The following CRHR1 variants were observed in gnomAD, a reference collection of about 807,000 sequenced individuals.
CRHR1 encodes the protein corticotropin releasing hormone receptor 1, also known as corticotropin-releasing hormone receptor 1.
In CRHR1, 28 loss-of-function variants were observed where a neutral mutation model predicts 56.0. The observed-to-expected ratio is 0.50, with a 90% CI of 0.37 to 0.69. The LOEUF (loss-of-function observed/expected upper bound fraction) is 0.69, where lower values mean the gene tolerates loss of function less well. Among genes scored for constraint, CRHR1 ranks in the 30% least tolerant of loss-of-function variants. The pLI, the probability that CRHR1 is intolerant of heterozygous loss-of-function variation, is 0.00. For synonymous variants in CRHR1, 195 were observed against 216.5 expected (o/e 0.90, Z 0.87); for missense variants, 376 against 548.0 (o/e 0.69, Z 3.13).
At chr17:45,791,294 G>T (rs1227276448) in intron 1 of CRHR1, among the ~76,000 whole-genome samples, 1 of 152,166 alleles carries the variant, frequency 6.6e-6, no homozygotes, top group African/African-American at 2.4e-5. Context: ...AGGGCTTTAG[G>T]AGAGTCCAGG....
At chr17:45,824,413 G>C (rs1035985516) in intron 4 of CRHR1, among the ~76,000 whole-genome samples, 5 of 152,184 alleles carry the variant, frequency 3.3e-5, no homozygotes, top group African/African-American at 1.2e-4. Context: ...GTCAGCGCGG[G>C]GTCTTCGTGG....
At chr17:45,812,232 A>G (rs1331558194) in intron 2 of CRHR1, among the ~76,000 whole-genome samples, 1 of 152,244 alleles carries the variant, frequency 6.6e-6, no homozygotes, top group African/African-American at 2.4e-5. Context: ...GTACGTGTTC[A>G]GTACACTTTT....
rs369219844 is a variant in CRHR1, at chr17:45,833,483, G to A, written c.875G>A (p.Arg292His). 2.5e-5 allele frequency: 41 copies of A among 1,613,844 alleles called. No individual in the cohort carries two copies. The highest frequency in any genetic ancestry group is 4.5e-5 in the East Asian group (2 of 44,876). Residue 292 changes from arginine to histidine, a missense_variant, in exon 10 of 13, where the codon CGC (arginine) becomes CAC (histidine). Arg to His is a conservative substitution (Grantham distance 29). Coordinates refer to ENST00000314537, the MANE Select transcript of CRHR1 (RefSeq NM_004382.5). ...INFIFLFNIV[R>H]ILMTKLRAST... Reference sequence around the variant, plus strand: ...TTCATCTTCCTTTTCAACATCGTCCGCATCCTCATGACCAAGCTCCGGGCA... The same window carrying A: ...TTCATCTTCCTTTTCAACATCGTCCACATCCTCATGACCAAGCTCCGGGCA...
chr17:45,793,512 C>A (rs1463940345), intron 1 of CRHR1, among the ~76,000 whole-genome samples: 1 of 152,212 alleles, frequency 6.6e-6, no homozygotes, highest in Admixed American at 6.5e-5. Flanking sequence ...AGTAGCCAGG[C>A]AAGGCAGGGG....
intron 8 of CRHR1, 104 bp from the exon 9 acceptor site, chr17:45,833,034 T>C (rs1043354226): frequency 1.5e-5 from 15 of 995,758 alleles, no homozygotes; most frequent in Middle Eastern, 2.1e-4. Context: ...CATCTACCTC[T>C]TGGCCTCCAG....
rs115224243 is a variant in CRHR1, at chr17:45,803,360, T to C, written c.34-3650T>C. Among the ~76,000 whole-genome samples, 1,493 of 152,144 alleles carry C rather than the reference T, an allele frequency of 9.8e-3. 22 individuals are homozygous for C. The highest frequency in any genetic ancestry group is 0.034 in the African/African-American group (1,400 of 41,510). On this transcript the variant is annotated intron_variant, in intron 1 of 12. Transcript: ENST00000314537. ...ATATTGTCAAATAGGATGCCTCCAGTTTCTTTTCTTTCTTTTTTATTTATT... is the reference window on the plus strand; with the variant it reads ...ATATTGTCAAATAGGATGCCTCCAGCTTCTTTTCTTTCTTTTTTATTTATT...
Position 45,833,793 on chromosome 17 carries a change from G to A in CRHR1, c.1009G>A (p.Asp337Asn). The A allele has an allele frequency of 6.2e-7, 1 of 1,613,734 alleles. No homozygotes were observed. Among genetic ancestry groups the A allele is most frequent in the Non-Finnish European group, 8.5e-7 (1 of 1,179,938 alleles). ...GCTGTTCTTCGTCAATCCCGGGGAGGATGAGGTCTCCCGGGTCGTCTTCAT... is the reference window on the plus strand; with the variant it reads ...GCTGTTCTTCGTCAATCCCGGGGAGAATGAGGTCTCCCGGGTCGTCTTCAT... ...YMLFFVNPGE[D>N]EVSRVVFIYF... The change falls in exon 11 of 13, where the codon GAT becomes AAT. Residue 337 changes from aspartate (D) to asparagine (N), a missense_variant. Physicochemically the swap from Asp to Asn is conservative, Grantham distance 23. This residue lies in a region of CRHR1 where 369 missense variants were observed against 519.5 expected (regional missense o/e 0.71). Transcript: ENST00000314537.
At chr17:45,816,382 C>A in intron 2 of CRHR1, 81 bp from the exon 3 acceptor site, 3 of 1,575,204 alleles carry the variant, frequency 1.9e-6, no homozygotes, top group African/African-American at 1.4e-5. Flanking sequence ...GGGAGGTGGG[C>A]AGAACTCTGG....
chr17:45,826,583 T>C (rs2062167124), intron 4 of CRHR1: 1 of 152,236 alleles, frequency 6.6e-6, no homozygotes, highest in Admixed American at 6.5e-5. Flanking sequence ...TTGGGCGCTA[T>C]TGTCCCAGCA....
In CRHR1 at chr17:45,824,085, T is replaced by C. The variant is rs377592090; in HGVS notation, c.327+2645T>C. ...ATTGGGAGGAGGGCTCCTCCTGGAC[T>C]GGGGGAAGGAGGTGGGGTTCCAGGT... On this transcript the variant is annotated intron_variant, in intron 4 of 12. Transcript: ENST00000314537. 3.9e-5 allele frequency among the ~76,000 whole-genome samples: 6 copies of C among 152,176 alleles called. No individual in the cohort carries two copies. In the South Asian group the frequency reaches 6.2e-4, roughly 16 times the overall value.
intron 1 of CRHR1, among the ~76,000 whole-genome samples, chr17:45,785,307 C>T (rs1212626326): frequency 2.0e-5 from 3 of 152,210 alleles, no homozygotes; most frequent in Non-Finnish European, 4.4e-5. Flanking sequence ...CGCTGAAGTT[C>T]GTGGGCGGTG....
At position 45,833,696 on chromosome 17, in the gene CRHR1, C is replaced by CG; in HGVS notation, c.930-18_930-17insG. Reference sequence around the variant, plus strand: ...GGGTGGGCTGTGACTCCGAGCCTCCCCACCCGCCCCACCCCAGGAAGGCTG... The same window carrying CG: ...GGGTGGGCTGTGACTCCGAGCCTCCCGCACCCGCCCCACCCCAGGAAGGCTG... On this transcript the variant is annotated splice_polypyrimidine_tract_variant and intron_variant, in intron 10 of 12. Coordinates refer to ENST00000314537, the MANE Select transcript of CRHR1 (RefSeq NM_004382.5). 1 of 594,490 alleles carries CG rather than the reference C, an allele frequency of 1.7e-6. No homozygotes were observed. Among genetic ancestry groups the CG allele is most frequent in the Non-Finnish European group, 3.1e-6 (1 of 321,442 alleles). 36.8% of individuals were successfully genotyped at this position (594,490 alleles called of 1,614,324 possible).
At chr17:45,821,928 A>G (rs1243068455) in intron 4 of CRHR1, among the ~76,000 whole-genome samples, 1 of 152,210 alleles carries the variant, frequency 6.6e-6, no homozygotes, top group African/African-American at 2.4e-5. Context: ...TTGAGCAGAT[A>G]TTGCTTACAC....
chr17:45,830,256 C>T, intron 6 of CRHR1, 42 bp downstream of exon 6: 6 of 1,609,518 alleles, frequency 3.7e-6, no homozygotes, highest in South Asian at 1.1e-5. Flanking sequence ...CAGGCCAAAC[C>T]CAGGTCAGAG....
intron 1 of CRHR1, among the ~76,000 whole-genome samples, chr17:45,786,693 G>A (rs2061343069): frequency 7.2e-6 from 1 of 138,842 alleles, no homozygotes; most frequent in Non-Finnish European, 1.5e-5. Flanking sequence ...AGGTTGGAGT[G>A]TAATGGTGTG....
intron 3 of CRHR1, among the ~76,000 whole-genome samples, chr17:45,821,116 C>G (rs1055856887): frequency 1.1e-4 from 16 of 152,344 alleles, no homozygotes; most frequent in African/African-American, 3.8e-4. Flanking sequence ...ATGATCATGC[C>G]AGCTTGAGTG....
intron 8 of CRHR1, among the ~76,000 whole-genome samples, chr17:45,831,386 T>C (rs1430835858): frequency 1.3e-5 from 2 of 152,226 alleles, no homozygotes; most frequent in African/African-American, 4.8e-5. Context: ...TCTATTAATA[T>C]TAAGACATCT....
chr17:45,834,850 A>AC lies in CRHR1; in HGVS notation c.*88dup. The AC allele has an allele frequency of 6.4e-7, 1 of 1,573,954 alleles. No homozygotes were observed. Among genetic ancestry groups the AC allele is most frequent in the Non-Finnish European group, 8.7e-7 (1 of 1,155,364 alleles). On this transcript the variant is annotated 3_prime_UTR_variant, in exon 13 of 13. Transcript: ENST00000314537. Reference sequence around the variant, plus strand: ...CCTGACCACCCTGCCTGTGGAGGTGACCTGTTAGGTCTCATGCCCACTCCC... The same window carrying AC: ...CCTGACCACCCTGCCTGTGGAGGTGACCCTGTTAGGTCTCATGCCCACTCCC...
chr17:45,835,166 C>A lies in CRHR1; in HGVS notation c.*402C>A. On this transcript the variant is annotated 3_prime_UTR_variant, in exon 13 of 13. Transcript: ENST00000314537. ...GCAACCGTGGGGAGGCCATTTGCTG[C>A]CCTGGGGCATCATGGGCAACTCGTG... 1 of 204,658 alleles carries A rather than the reference C, an allele frequency of 4.9e-6. No individual in the cohort carries two copies. The highest frequency in any genetic ancestry group is 9.8e-6 in the Non-Finnish European group (1 of 101,880). The allele number at this position is 204,658 out of a possible 1,614,324, so 12.7% of individuals were successfully genotyped here.
Sources: allele counts gnomAD v4.1 joint callset (sites outside exome capture counted in the v4.1 genomes callset), GRCh38; gene constraint gnomAD v4.1.1; regional missense constraint gnomAD v4.1.1; transcripts MANE v1.5; gene names NCBI Gene and HGNC (gene_info 2026-07-23, HGNC 2026-07-21).